The following CAPS2 variants were observed in gnomAD, a reference collection of about 807,000 sequenced individuals.
CAPS2 encodes calcyphosin-2.
In CAPS2, 98 loss-of-function variants were observed where a neutral mutation model predicts 86.5. The ratio of observed to expected loss-of-function variants is 1.13; its 90% CI spans 0.96 to 1.34. The LOEUF (loss-of-function observed/expected upper bound fraction) is 1.34, where lower values mean the gene tolerates loss of function less well. Among genes scored for constraint, CAPS2 ranks in the 40% most tolerant of loss-of-function variants. The probability of loss-of-function intolerance (pLI) is 0.00; values close to 1 mark genes in which losing one functional copy is unlikely to be tolerated. For missense variants in CAPS2, 729 were observed against 686.8 expected, an observed-to-expected ratio of 1.06 and a Z score of -0.69; for synonymous variants, 210 against 225.1, an observed-to-expected ratio of 0.93 and a Z score of 0.60.
chr12:75,347,605 A>G, intron 1 of CAPS2: 1 of 1,524,682 alleles, frequency 6.6e-7, no homozygotes, highest in Non-Finnish European at 9.1e-7. Flanking sequence ...TTATCTTGAC[A>G]TTCCTTTTCT....
At chr12:75,335,025 G>A, upstream of CAPS2, 1 of 919,902 alleles carries the variant, frequency 1.1e-6, no homozygotes. Flanking sequence ...CAGTTAAAAA[G>A]AAAAAAATTC....
upstream of CAPS2, among the ~76,000 whole-genome samples, chr12:75,327,648 G>T (rs2040912211): frequency 6.6e-6 from 1 of 151,398 alleles, no homozygotes; most frequent in Non-Finnish European, 1.5e-5. Context: ...CCTGATTTTT[G>T]CCATTTTCTT....
chr12:75,383,297 C>A (rs915207944), intron 1 of CAPS2, among the ~76,000 whole-genome samples: 1 of 152,088 alleles, frequency 6.6e-6, no homozygotes, highest in African/African-American at 2.4e-5. Context: ...AAATGAGATG[C>A]TTTTGTGTGT....
At chr12:75,355,294 A>G (rs1365212189) in intron 1 of CAPS2, among the ~76,000 whole-genome samples, 1 of 152,000 alleles carries the variant, frequency 6.6e-6, no homozygotes, top group Non-Finnish European at 1.5e-5. Flanking sequence ...ACAAAAAATC[A>G]TTCAAAAATG....
At chr12:75,327,152 A>G (rs1242985576), upstream of CAPS2, among the ~76,000 whole-genome samples, 2 of 152,238 alleles carry the variant, frequency 1.3e-5, no homozygotes, top group African/African-American at 2.4e-5. Context: ...CTAAGTTTAA[A>G]TAAATTTTTA....
chr12:75,302,087 CA>C (rs142446948), intron 8 of CAPS2, among the ~76,000 whole-genome samples: 17 of 152,286 alleles, frequency 1.1e-4, no homozygotes, highest in Middle Eastern at 3.4e-3. Flanking sequence ...TGCTGCCTCC[CA>C]AACAAAGGGG....
chr12:75,357,199 A>C (rs2139522709), intron 1 of CAPS2, among the ~76,000 whole-genome samples: 1 of 152,276 alleles, frequency 6.6e-6, no homozygotes, highest in Non-Finnish European at 1.5e-5. Flanking sequence ...CTAAATAAAT[A>C]AATAAATGCT....
Position 75,324,506 on chromosome 12 carries a change from A to G in CAPS2, c.131+733T>C, listed in dbSNP as rs12099622. On this transcript the variant is annotated intron_variant, in intron 2 of 16. Coordinates refer to ENST00000393284, the Ensembl canonical transcript of CAPS2. The stretch of plus-strand genomic sequence containing the variant: ...TTAAACTTTTCTCTGCACACAACTG[A>G]CACAGCCATTGTTACTTACTCGATA... Among the ~76,000 whole-genome samples, 764 of 152,224 alleles carry G rather than the reference A, an allele frequency of 5.0e-3. 8 individuals are homozygous for G. The highest frequency in any genetic ancestry group is 0.017 in the African/African-American group (725 of 41,552).
At chr12:75,384,738 G>A (rs1025697173) in intron 1 of CAPS2, among the ~76,000 whole-genome samples, 33 of 152,214 alleles carry the variant, frequency 2.2e-4, no homozygotes, top group African/African-American at 7.7e-4. Flanking sequence ...CATGAACATA[G>A]ATGCAAAATT....
At chr12:75,286,863 A>G (rs2034962243) in intron 14 of CAPS2, among the ~76,000 whole-genome samples, 1 of 151,800 alleles carries the variant, frequency 6.6e-6, no homozygotes, top group African/African-American at 2.4e-5. Context: ...TCATATTTTC[A>G]TAATATGTTC....
intron 14 of CAPS2, among the ~76,000 whole-genome samples, chr12:75,288,027 A>G (rs1008884146): frequency 6.6e-6 from 1 of 152,222 alleles, no homozygotes; most frequent in Non-Finnish European, 1.5e-5. Flanking sequence ...GAACCCCCAC[A>G]AGCATTTGGT....
At chr12:75,357,705 TTGTCCAA>T (rs1409058024) in intron 1 of CAPS2, among the ~76,000 whole-genome samples, 1 of 152,030 alleles carries the variant, frequency 6.6e-6, no homozygotes, top group African/African-American at 2.4e-5. Context: ...AGAAAAACCA[TTGTCCAA>T]TGTCCAATGT....
At chr12:75,363,092 T>G (rs1269711157) in intron 1 of CAPS2, 2 of 1,491,956 alleles carry the variant, frequency 1.3e-6, no homozygotes, top group Non-Finnish European at 1.8e-6. Flanking sequence ...AATGTTTCTC[T>G]TTTTTACAGA....
chr12:75,339,878 G>A (rs985491683), intron 1 of CAPS2, among the ~76,000 whole-genome samples: 12 of 151,956 alleles, frequency 7.9e-5, no homozygotes, highest in South Asian at 2.1e-4. Context: ...CATCGCCCAA[G>A]CAGTGCCCAA....
chr12:75,338,866 C>T (rs891600259), intron 1 of CAPS2, among the ~76,000 whole-genome samples: 1 of 152,166 alleles, frequency 6.6e-6, no homozygotes, highest in Non-Finnish European at 1.5e-5. Context: ...GTTTTCTGTT[C>T]CTGCATTAGT....
At chr12:75,353,841 G>A (rs919205441) in intron 1 of CAPS2, among the ~76,000 whole-genome samples, 4 of 152,034 alleles carry the variant, frequency 2.6e-5, no homozygotes, top group Non-Finnish European at 4.4e-5. Context: ...TTCAACATAC[G>A]CAAATCAATG....
intron 7 of CAPS2, among the ~76,000 whole-genome samples, chr12:75,308,861 C>T (rs1314176977): frequency 1.4e-4 from 21 of 148,338 alleles, no homozygotes; most frequent in Non-Finnish European, 1.3e-4. Flanking sequence ...CGAGATCACA[C>T]CACTACACTC....
At chr12:75,279,732 G>T (rs1260970275) in intron 16 of CAPS2, among the ~76,000 whole-genome samples, 2 of 151,950 alleles carry the variant, frequency 1.3e-5, no homozygotes, top group African/African-American at 4.8e-5. Context: ...AATACAAGTT[G>T]AATGTAAAAA....
downstream of CAPS2, chr12:75,276,830 A>C: frequency 1.1e-6 from 1 of 932,786 alleles, no homozygotes; most frequent in Non-Finnish European, 1.3e-6. Flanking sequence ...ATGTAACAGC[A>C]TTACAACATA....
Sources: gnomAD v4.1 joint callset for allele counts (sites outside exome capture counted in the v4.1 genomes callset) on GRCh38, gnomAD v4.1.1 for gene constraint, MANE v1.5 for transcripts, NCBI Gene and HGNC (gene_info 2026-07-23, HGNC 2026-07-21) for gene names.